The following ACBD6 variants were observed in gnomAD, a reference collection of about 807,000 sequenced individuals.
ACBD6 encodes the protein acyl-CoA binding domain containing 6, also known as acyl-CoA-binding domain-containing protein 6.
A neutral mutation model predicts 37.2 loss-of-function variants in ACBD6; 28 were observed. The ratio of observed to expected loss-of-function variants is 0.75; its 90% CI spans 0.56 to 1.03. The LOEUF is 1.03. Among genes scored for constraint, ACBD6 ranks in the 50% least tolerant of loss-of-function variants. The pLI is 0.00. For synonymous variants in ACBD6, 113 were observed against 126.8 expected (o/e 0.89, Z 0.73); for missense variants, 340 against 337.4 (o/e 1.01, Z -0.06).
chr1:180,482,266 T>C (rs1420561268), intron 3 of ACBD6, among the ~76,000 whole-genome samples: 1 of 152,108 alleles, frequency 6.6e-6, no homozygotes, highest in African/African-American at 2.4e-5. Context: ...AAACCACAGA[T>C]GAATAGCAGC....
At chr1:180,402,623 G>A (rs1558284397) in intron 5 of ACBD6, among the ~76,000 whole-genome samples, 1 of 152,088 alleles carries the variant, frequency 6.6e-6, no homozygotes, top group Non-Finnish European at 1.5e-5. Flanking sequence ...GGAACATGGT[G>A]AAACCCCATC....
chr1:180,488,977 T>C lies in ACBD6; in HGVS notation c.384+3292A>G, dbSNP rs76455220. On this transcript the variant is annotated intron_variant, in intron 3 of 7. Coordinates refer to ENST00000367595, the MANE Select transcript of ACBD6 (RefSeq NM_032360.4). ...TATAGTAGTTTCTAACTGTGAAGAC[T>C]TTTTGTGAAGATATCAAAAGACAAT... is the stretch of plus-strand genomic sequence containing the variant. 7.4e-3 allele frequency among the ~76,000 whole-genome samples: 1,134 copies of C among 152,290 alleles called. 64 individuals carry two copies. Among genetic ancestry groups the C allele is most frequent in the Admixed American group, 0.047 (715 of 15,292 alleles).
At chr1:180,427,017 T>C (rs1035648081) in intron 4 of ACBD6, among the ~76,000 whole-genome samples, 5 of 152,232 alleles carry the variant, frequency 3.3e-5, no homozygotes, top group Non-Finnish European at 7.3e-5. Flanking sequence ...AGCTCTGCAA[T>C]ATTAACACAG....
At position 180,477,243 on chromosome 1, in the gene ACBD6, T is replaced by C. The variant is rs1490532096; in HGVS notation, c.384+15026A>G. Among the ~76,000 whole-genome samples the C allele has an allele frequency of 3.9e-5, 6 of 152,170 alleles. No homozygotes were observed. In the East Asian group the frequency reaches 7.7e-4, roughly 20 times the overall value. ...TCCACTTAATATTTTTGGACCACCG[T>C]TGACCTCAGGTGACTGAAACCCCTC... On this transcript the variant is annotated intron_variant, in intron 3 of 7. Transcript: ENST00000367595.
intron 1 of ACBD6, among the ~76,000 whole-genome samples, chr1:180,500,239 A>G (rs1380563901): frequency 6.6e-6 from 1 of 152,192 alleles, no homozygotes; most frequent in Non-Finnish European, 1.5e-5. Flanking sequence ...AAAGAAAAAA[A>G]GTTTACACAT....
intron 6 of ACBD6, among the ~76,000 whole-genome samples, chr1:180,329,406 C>A (rs988868536): frequency 5.9e-5 from 9 of 152,084 alleles, no homozygotes; most frequent in African/African-American, 2.2e-4. Flanking sequence ...TGTACCTGAA[C>A]TCTTTAAAAT....
At chr1:180,494,395 GTAA>G (rs1414163128) in intron 2 of ACBD6, among the ~76,000 whole-genome samples, 2 of 152,164 alleles carry the variant, frequency 1.3e-5, no homozygotes, top group African/African-American at 4.8e-5. Context: ...CTTTAGAACA[GTAA>G]TAATATGTTG....
At chr1:180,389,505 G>A (rs1276772079) in intron 6 of ACBD6, among the ~76,000 whole-genome samples, 19 of 152,090 alleles carry the variant, frequency 1.2e-4, no homozygotes, top group Admixed American at 1.2e-3. Context: ...ATACTCCTTT[G>A]GGTATATACC....
chr1:180,499,398 A>C (rs929503954), intron 1 of ACBD6, among the ~76,000 whole-genome samples: 8 of 152,236 alleles, frequency 5.3e-5, no homozygotes, highest in Admixed American at 1.3e-4. Context: ...TTTCAGATAC[A>C]GAATATCTCT....
At chr1:180,398,059 T>TACA (rs10583778) in intron 5 of ACBD6, among the ~76,000 whole-genome samples, 13,110 of 149,294 alleles carry the variant, frequency 0.088, 758 homozygotes, top group African/African-American at 0.15. Context: ...TCTCAAAAAC[T>TACA]ACAACAACAA....
chr1:180,381,239 C>A (rs548729678), intron 6 of ACBD6, among the ~76,000 whole-genome samples: 1 of 152,060 alleles, frequency 6.6e-6, no homozygotes, highest in Non-Finnish European at 1.5e-5. Context: ...ATTTAAAGGG[C>A]GGGATAGACT....
intron 3 of ACBD6, among the ~76,000 whole-genome samples, chr1:180,445,606 AAAT>A (rs1455838904): frequency 6.6e-6 from 1 of 152,156 alleles, no homozygotes; most frequent in Non-Finnish European, 1.5e-5. Context: ...CAGATTTCAA[AAAT>A]ATTAAAAACT....
intron 5 of ACBD6, among the ~76,000 whole-genome samples, chr1:180,403,494 A>G (rs531278538): frequency 2.0e-5 from 3 of 152,362 alleles, no homozygotes; most frequent in Admixed American, 2.0e-4. Flanking sequence ...TAAAGCAAGC[A>G]TAGTAAAATA....
chr1:180,287,921 C>T (rs186781526), downstream of ACBD6, among the ~76,000 whole-genome samples: 28 of 152,282 alleles, frequency 1.8e-4, no homozygotes, highest in Non-Finnish European at 2.6e-4. Context: ...AAAGAATAGA[C>T]ATCTTAGCTG....
chr1:180,401,014 T>A (rs1383891997), intron 5 of ACBD6, among the ~76,000 whole-genome samples: 2 of 152,224 alleles, frequency 1.3e-5, no homozygotes, highest in East Asian at 3.8e-4. Context: ...CTCTTATAAA[T>A]TTTCAAGTTA....
chr1:180,344,900 G>A (rs555499906), intron 6 of ACBD6, among the ~76,000 whole-genome samples: 5 of 152,262 alleles, frequency 3.3e-5, no homozygotes, highest in African/African-American at 1.2e-4. Context: ...GGTGGCCTAA[G>A]TTATGGTATC....
At chr1:180,405,584 A>G (rs1216891842) in intron 5 of ACBD6, among the ~76,000 whole-genome samples, 1 of 152,224 alleles carries the variant, frequency 6.6e-6, no homozygotes, top group African/African-American at 2.4e-5. Flanking sequence ...CTAAAATATT[A>G]CACTGTTACA....
At chr1:180,291,918 A>G (rs1224930971) in intron 7 of ACBD6, among the ~76,000 whole-genome samples, 1 of 152,100 alleles carries the variant, frequency 6.6e-6, no homozygotes, top group Non-Finnish European at 1.5e-5. Context: ...TTACAGCTCT[A>G]TACGTTGAAA....
chr1:180,435,724 A>T, intron 3 of ACBD6: 1 of 845,668 alleles, frequency 1.2e-6, no homozygotes, highest in Non-Finnish European at 2.1e-6. Context: ...TCGCCTGGAC[A>T]GCAGGAAACA....
Sources: gnomAD v4.1 joint callset for allele counts (sites outside exome capture counted in the v4.1 genomes callset) on GRCh38, gnomAD v4.1.1 for gene constraint, MANE v1.5 for transcripts, NCBI Gene and HGNC (gene_info 2026-07-23, HGNC 2026-07-21) for gene names.